The following SVOP variants were observed in gnomAD, a reference collection of about 807,000 sequenced individuals.
The protein encoded by SVOP is synaptic vesicle 2-related protein.
SVOP carries 17 observed loss-of-function variants against 69.1 expected under a neutral mutation model. The observed-to-expected ratio is 0.25, with a 90% CI of 0.17 to 0.37. The LOEUF (loss-of-function observed/expected upper bound fraction) is 0.37. Among genes scored for constraint, SVOP ranks in the 10% least tolerant of loss-of-function variants. The pLI is 1.00. For synonymous variants in SVOP, 238 were observed against 238.6 expected (o/e 1.00, Z 0.02); for missense variants, 435 against 597.5 (o/e 0.73, Z 2.84).
chr12:108,914,636 T>C (rs892037051), intron 15 of SVOP, among the ~76,000 whole-genome samples: 2 of 152,064 alleles, frequency 1.3e-5, no homozygotes, highest in Admixed American at 1.3e-4. Context: ...TGGAGCAATT[T>C]TGGCTCATTG....
At chr12:109,005,076 C>T (rs529260740) in intron 1 of SVOP, among the ~76,000 whole-genome samples, 1 of 152,086 alleles carries the variant, frequency 6.6e-6, no homozygotes, top group African/African-American at 2.4e-5. Flanking sequence ...CTTTTCATCT[C>T]GGCCTCTGGA....
At chr12:108,978,700 G>T (rs1042748343) in intron 2 of SVOP, 37 bp from the exon 3 acceptor site, 8 of 702,646 alleles carry the variant, frequency 1.1e-5, no homozygotes, top group Non-Finnish European at 1.8e-5. Context: ...GAAGGAATCA[G>T]TGCACCTTGC....
At chr12:108,950,316 C>T (rs2039947332) in intron 6 of SVOP, among the ~76,000 whole-genome samples, 1 of 151,122 alleles carries the variant, frequency 6.6e-6, no homozygotes, top group African/African-American at 2.4e-5. Context: ...TGGGCTCAAG[C>T]AATCCTCCTG....
intron 4 of SVOP, among the ~76,000 whole-genome samples, chr12:108,976,917 TTCCTC>T (rs912092762): frequency 6.6e-6 from 1 of 152,168 alleles, no homozygotes; most frequent in Non-Finnish European, 1.5e-5. Flanking sequence ...GCCCAGCCCA[TTCCTC>T]TCTTTTAAGA....
At chr12:108,928,447 C>T (rs2039795414) in intron 11 of SVOP, among the ~76,000 whole-genome samples, 2 of 152,094 alleles carry the variant, frequency 1.3e-5, no homozygotes, top group Non-Finnish European at 2.9e-5. Context: ...AATATGGCAC[C>T]TTGGCATTTT....
At chr12:109,011,385 G>C (rs1219879512) in intron 1 of SVOP, among the ~76,000 whole-genome samples, 1 of 152,180 alleles carries the variant, frequency 6.6e-6, no homozygotes, top group Non-Finnish European at 1.5e-5. Flanking sequence ...GGATGCCCAG[G>C]CTATTACAAT....
chr12:109,018,293 C>T (rs148107055), intron 1 of SVOP, among the ~76,000 whole-genome samples: 3 of 152,320 alleles, frequency 2.0e-5, no homozygotes, highest in African/African-American at 7.2e-5. Context: ...CCAGAGTGGA[C>T]AGCATGTGAA....
intron 1 of SVOP, among the ~76,000 whole-genome samples, chr12:108,994,989 T>A (rs2040223474): frequency 1.3e-5 from 2 of 151,520 alleles, no homozygotes; most frequent in African/African-American, 2.4e-5. Context: ...AAAAAATTTT[T>A]AAAAAATTAG....
intron 12 of SVOP, among the ~76,000 whole-genome samples, chr12:108,921,528 G>T (rs557890991): frequency 3.3e-5 from 5 of 152,284 alleles, no homozygotes; most frequent in African/African-American, 1.2e-4. Flanking sequence ...GGCAACTGGA[G>T]CTGAATTCCA....
Position 108,934,281 on chromosome 12 carries a change from G to A in SVOP, c.972-10C>T, listed in dbSNP as rs2039842856. On this transcript the variant is annotated splice_polypyrimidine_tract_variant and intron_variant, in intron 10 of 15. Transcript: ENST00000610966. ...GAATGCATTGGAAAACCTGCCAGGA[G>A]AAAGCAAGAAAGGTAAAGAAATGAT... 6.3e-7 allele frequency: 1 copy of A among 1,591,006 alleles called. No homozygotes were observed. Among genetic ancestry groups the A allele is most frequent in the African/African-American group, 1.3e-5 (1 of 74,516 alleles).
intron 6 of SVOP, among the ~76,000 whole-genome samples, chr12:108,953,283 G>C (rs1272174526): frequency 6.6e-6 from 1 of 151,790 alleles, no homozygotes; most frequent in Non-Finnish European, 1.5e-5. Context: ...CAAGTAGCTG[G>C]GATTACAGGC....
chr12:109,009,714 C>G (rs1445250104), intron 1 of SVOP, among the ~76,000 whole-genome samples: 2 of 152,092 alleles, frequency 1.3e-5, no homozygotes, highest in African/African-American at 4.8e-5. Context: ...GGCGCCTGGC[C>G]CTAGAGCAGT....
At chr12:108,915,907 A>G in intron 14 of SVOP, 35 bp from the exon 15 acceptor site, 1 of 1,534,830 alleles carries the variant, frequency 6.5e-7, no homozygotes, top group Non-Finnish European at 8.8e-7. Context: ...GCATGGGGAC[A>G]TGCAGGTTCC....
chr12:109,002,561 A>AT (rs1263617315), intron 1 of SVOP, among the ~76,000 whole-genome samples: 2 of 148,484 alleles, frequency 1.3e-5, no homozygotes, highest in African/African-American at 5.0e-5. Context: ...ACCAACCCAA[A>AT]TGTCCAACAA....
At chr12:108,997,936 C>G (rs2040246161) in intron 1 of SVOP, among the ~76,000 whole-genome samples, 2 of 149,332 alleles carry the variant, frequency 1.3e-5, no homozygotes, top group Non-Finnish European at 3.0e-5. Context: ...AGTTCCTCAC[C>G]AGCAACGGAA....
chr12:108,942,229 G>A (rs184423458), intron 7 of SVOP, among the ~76,000 whole-genome samples: 37 of 152,282 alleles, frequency 2.4e-4, no homozygotes, highest in Non-Finnish European at 4.1e-4. Context: ...ACCACAGCTT[G>A]TTTGTCCACG....
At chr12:108,918,153 CA>C in intron 13 of SVOP, 29 bp from the exon 14 acceptor site, 1 of 1,526,634 alleles carries the variant, frequency 6.6e-7, no homozygotes, top group Non-Finnish European at 8.8e-7. Context: ...CAGATGATGG[CA>C]TTTTTTTCTG....
Position 108,983,080 on chromosome 12 carries a change from C to G in SVOP, c.196+521G>C, listed in dbSNP as rs1376213045. ...TCACCATCACCATCATCACCATCATCATGATCACCATCATCATGATCACCA... is the reference window on the plus strand; with the variant it reads ...TCACCATCACCATCATCACCATCATGATGATCACCATCATCATGATCACCA... On this transcript the variant is annotated intron_variant, in intron 2 of 15. Transcript: ENST00000610966. 5.7e-4 allele frequency among the ~76,000 whole-genome samples: 85 copies of G among 149,476 alleles called. 1 individual carries two copies. The highest frequency in any genetic ancestry group is 2.1e-3 in the African/African-American group (84 of 40,140).
chr12:108,979,831 GA>G (rs1257009253), intron 2 of SVOP, among the ~76,000 whole-genome samples: 50,104 of 151,848 alleles, frequency 0.33, 8,781 homozygotes, highest in African/African-American at 0.44. Flanking sequence ...TTTATGCTCA[GA>G]AAAAAACACA....
Sources: allele counts gnomAD v4.1 joint callset (sites outside exome capture counted in the v4.1 genomes callset), GRCh38; gene constraint gnomAD v4.1.1; transcripts MANE v1.5; gene names NCBI Gene and HGNC (gene_info 2026-07-23, HGNC 2026-07-21).